ATP13A1: variants seen among roughly 807,000 people sequenced by gnomAD.
The protein encoded by ATP13A1 is endoplasmic reticulum transmembrane helix translocase.
Under a neutral mutation model 134.8 loss-of-function variants are expected in ATP13A1, and 55 were observed. The observed-to-expected ratio is 0.41, with a 90% CI of 0.33 to 0.51. The LOEUF is 0.51. ATP13A1 is among the 20% of genes least tolerant of loss of function. ATP13A1 has a pLI of 0.29. For missense variants in ATP13A1, 1,389 were observed against 1,652.8 expected (o/e 0.84, Z 2.77); for synonymous variants, 775 against 725.1 (o/e 1.07, Z -1.10).
In ATP13A1 at chr19:19,653,837, C is replaced by T. The variant is rs753084546; in HGVS notation, c.2047G>A (p.Ala683Thr). ...TTGTACCCCAGCGCCAGGACGCGGG[C>T]TCCTTCCCGGGAGATCTCGGTGTGG... ...HIHTEISREG[A>T]RVLALGYKEL... The change falls in exon 15 of 26, where the codon GCC becomes ACC. Residue 683 changes from alanine to threonine, a missense_variant. Ala to Thr is a moderately conservative substitution (Grantham distance 58). This residue lies in a region of ATP13A1 where 747 missense variants were observed against 956.1 expected (regional missense o/e 0.78). Coordinates refer to ENST00000357324, the MANE Select transcript of ATP13A1 (RefSeq NM_020410.3). The surrounding 1 kb of genome is among the most constrained non-coding windows in gnomAD (Gnocchi z 4.2). 4 of 1,562,618 alleles carry T rather than the reference C, an allele frequency of 2.6e-6. No homozygotes were observed. The highest frequency in any genetic ancestry group is 3.5e-6 in the Non-Finnish European group (4 of 1,153,976).
chr19:19,663,279 A>C lies in ATP13A1; in HGVS notation c.388T>G (p.Cys130Gly). The change falls in exon 1 of 26, where the codon TGC becomes GGC. Residue 130 changes from cysteine (C) to glycine (G), a missense_variant. Around this residue, in one of 4 missense-constraint regions of ATP13A1, gnomAD observed 293 missense variants for 270.8 expected, o/e 1.08. Coordinates refer to ENST00000357324, the MANE Select transcript of ATP13A1 (RefSeq NM_020410.3). Reference protein sequence around the residue: ...WSVHAHCALTCTPEYDPSKAT... With the variant: ...WSVHAHCALTGTPEYDPSKAT... ...CGCGTGTACACACTTACCGGGGTGC[A>C]GGTGAGCGCGCAATGCGCGTGCACA... 1 of 1,581,776 alleles carries C rather than the reference A, an allele frequency of 6.3e-7. No individual in the cohort carries two copies. Among genetic ancestry groups the C allele is most frequent in the Non-Finnish European group, 8.6e-7 (1 of 1,165,444 alleles).
In ATP13A1 at chr19:19,647,582, C is replaced by A; in HGVS notation, c.2793+17G>T. 6.2e-7 allele frequency: 1 copy of A among 1,613,186 alleles called. No individual in the cohort carries two copies. The highest frequency in any genetic ancestry group is 8.5e-7 in the Non-Finnish European group (1 of 1,179,580). ...CTGGCCAGGATGGGGTGCAGCACCT[C>A]CCCTCTTGGGACTCACCCTCTGGGA... On this transcript the variant is annotated intron_variant, in intron 20 of 25. Coordinates refer to ENST00000357324, the MANE Select transcript of ATP13A1 (RefSeq NM_020410.3). This position sits in a 1 kb window ranked among gnomAD's most constrained non-coding sequence, Gnocchi z 4.8.
chr19:19,649,027 C>G (rs957050746), intron 19 of ATP13A1, among the ~76,000 whole-genome samples: 3 of 149,798 alleles, frequency 2.0e-5, no homozygotes, highest in Non-Finnish European at 4.4e-5. Flanking sequence ...GAGGCTGAGG[C>G]AGGAGAATCG....
chr19:19,645,622 G>A lies in ATP13A1; in HGVS notation c.3504+25C>T, dbSNP rs550479637. On this transcript the variant is annotated intron_variant, in intron 25 of 25. Transcript: ENST00000357324. This position sits in a 1 kb window ranked among gnomAD's most constrained non-coding sequence, Gnocchi z 4.1. ...GAGGGACCCATCAAGCTGAGCCCCAGGGTCACCTCCACAGGGCCACTGACC... is the reference window on the plus strand; with the variant it reads ...GAGGGACCCATCAAGCTGAGCCCCAAGGTCACCTCCACAGGGCCACTGACC... The A allele has an allele frequency of 1.3e-6, 2 of 1,562,838 alleles. No homozygotes were observed. The highest frequency in any genetic ancestry group is 2.4e-5 in the East Asian group (1 of 41,744).
Position 19,653,916 on chromosome 19 carries a change from G to A in ATP13A1, c.1990-22C>T. The A allele has an allele frequency of 6.4e-7, 1 of 1,567,694 alleles. No individual in the cohort carries two copies. Among genetic ancestry groups the A allele is most frequent in the East Asian group, 2.4e-5 (1 of 42,178 alleles). ...AGAACTGCAGGGAATGCAGGGGGATGTCACGGGCTGCCCCGCGCCCCCACC... is the reference window on the plus strand; with the variant it reads ...AGAACTGCAGGGAATGCAGGGGGATATCACGGGCTGCCCCGCGCCCCCACC... On this transcript the variant is annotated intron_variant, in intron 14 of 25. Coordinates refer to ENST00000357324, the MANE Select transcript of ATP13A1 (RefSeq NM_020410.3). This position sits in a 1 kb window ranked among gnomAD's most constrained non-coding sequence, Gnocchi z 4.2.
At chr19:19,662,451 GC>G in intron 1 of ATP13A1, 1 of 834,806 alleles carries the variant, frequency 1.2e-6, no homozygotes. Flanking sequence ...CAGAGGGGAA[GC>G]TTCCTGATAT....
chr19:19,647,178 AG>A lies in ATP13A1; in HGVS notation c.3055del (p.Leu1019TyrfsTer49). The A allele has an allele frequency of 1.2e-6, 2 of 1,613,816 alleles. No homozygotes were observed. Among genetic ancestry groups the A allele is most frequent in the Non-Finnish European group, 1.7e-6 (2 of 1,179,816 alleles). ...GCAGCCGGCCAGCAGCAGCCCCTGT[AG>A]GGTGGCCTGGAAGTCACTGAACTTG... The part of the protein sequence containing the change: ...GVKFSDFQAT[L>X]QGLLLAGCFL... On this transcript the variant is annotated frameshift_variant, in exon 22 of 26. Transcript: ENST00000357324. LOFTEE classifies it high-confidence loss of function. The surrounding 1 kb of genome is among the most constrained non-coding windows in gnomAD (Gnocchi z 4.8).
chr19:19,661,112 AAAAAACAAAAC>A (rs1301952661), intron 1 of ATP13A1, among the ~76,000 whole-genome samples: 6 of 151,664 alleles, frequency 4.0e-5, no homozygotes, highest in African/African-American at 1.5e-4. Context: ...AAAAAACCCC[AAAAAACAAAAC>A]AAAAACAAAA....
chr19:19,655,719 C>A lies in ATP13A1; in HGVS notation c.1270-65G>T. On this transcript the variant is annotated intron_variant, in intron 9 of 25. Coordinates refer to ENST00000357324, the MANE Select transcript of ATP13A1 (RefSeq NM_020410.3). The surrounding 1 kb of genome is among the most constrained non-coding windows in gnomAD (Gnocchi z 5.7). ...CCCTCCAGCAGCTCAGGCCTGGAAGCGTGGGCCTGGTCTTGGGGTGGCCTC... is the reference window on the plus strand; with the variant it reads ...CCCTCCAGCAGCTCAGGCCTGGAAGAGTGGGCCTGGTCTTGGGGTGGCCTC... 3.2e-6 allele frequency: 5 copies of A among 1,569,026 alleles called. No homozygotes were observed. Among genetic ancestry groups the A allele is most frequent in the Admixed American group, 1.9e-5 (1 of 53,750 alleles).
intron 17 of ATP13A1, 115 bp downstream of exon 17, chr19:19,651,574 G>T: frequency 1.4e-6 from 1 of 727,060 alleles, no homozygotes; most frequent in African/African-American, 1.8e-5. Context: ...AGTGGTGCCA[G>T]GCATTTGAAG....
Position 19,656,587 on chromosome 19 carries a change from C to A in ATP13A1, c.1083+73G>T, listed in dbSNP as rs555153218. On this transcript the variant is annotated intron_variant, in intron 7 of 25. Coordinates refer to ENST00000357324, the MANE Select transcript of ATP13A1 (RefSeq NM_020410.3). This position sits in a 1 kb window ranked among gnomAD's most constrained non-coding sequence, Gnocchi z 4.6. The stretch of plus-strand genomic sequence containing the variant: ...GCCTGTGCCTGAGGGGGATCCCCGC[C>A]ACCCCCTGGGCCTCCACCTCCTGGC... 6.8e-7 allele frequency: 1 copy of A among 1,478,522 alleles called. No homozygotes were observed. The highest frequency in any genetic ancestry group is 1.4e-5 in the African/African-American group (1 of 71,836). The allele number at this position is 1,478,522 out of a possible 1,614,324, so 91.6% of individuals were successfully genotyped here. A position where few individuals can be genotyped will look rare whatever the true frequency, so the allele number is the denominator to read the frequency against.
intron 1 of ATP13A1, chr19:19,660,405 T>G: frequency 1.1e-5 from 2 of 180,942 alleles, no homozygotes; most frequent in Non-Finnish European, 2.3e-5. Flanking sequence ...TCCCTTGAAC[T>G]GGGAGGCGGA....
intron 13 of ATP13A1, 67 bp downstream of exon 13, chr19:19,654,476 C>T (rs1456809315): frequency 4.0e-6 from 6 of 1,514,806 alleles, no homozygotes; most frequent in Non-Finnish European, 5.3e-6. Context: ...AGGGGTGCAG[C>T]CCACCTGCCT....
Position 19,656,713 on chromosome 19 carries a change from G to C in ATP13A1, c.1030C>G (p.Arg344Gly), listed in dbSNP as rs371113170. The C allele has an allele frequency of 2.5e-6, 4 of 1,613,666 alleles. No homozygotes were observed. Among genetic ancestry groups the C allele is most frequent in the Non-Finnish European group, 3.4e-6 (4 of 1,179,876 alleles). The change falls in exon 7 of 26, where the codon CGC becomes GGC. Residue 344 changes from arginine (R) to glycine (G), a missense_variant. Physicochemically the swap from Arg to Gly is moderately radical, Grantham distance 125. Coordinates refer to ENST00000357324, the MANE Select transcript of ATP13A1 (RefSeq NM_020410.3). The surrounding 1 kb of genome is among the most constrained non-coding windows in gnomAD (Gnocchi z 4.6). Reference protein sequence around the residue: ...VPCDVLLLRGRCIVDEAMLTG... With the variant: ...VPCDVLLLRGGCIVDEAMLTG... ...AGCATGGCCTCGTCTACGATGCAGC[G>C]GCCTCGCAGCAGAAGCACGTCACAT... is the stretch of plus-strand genomic sequence containing the variant.
chr19:19,657,536 G>T (rs1049266656), intron 3 of ATP13A1, 128 bp from the exon 4 acceptor site: 2 of 928,228 alleles, frequency 2.2e-6, no homozygotes, highest in East Asian at 5.6e-5. Context: ...TGTGGGCGTC[G>T]GGAGCCCTGG....
chr19:19,647,628 G>C lies in ATP13A1; in HGVS notation c.2764C>G (p.Pro922Ala). 6.2e-7 allele frequency: 1 copy of C among 1,613,444 alleles called. No homozygotes were observed. The highest frequency in any genetic ancestry group is 8.5e-7 in the Non-Finnish European group (1 of 1,179,846). ...RTAKQRSGLP[P>A]SEEQPTSQRD... ...TGGGAGGTTGGCTGCTCCTCGGAGGGAGGGAGCCCCGACCGCTGCTTGGCT... is the reference window on the plus strand; with the variant it reads ...TGGGAGGTTGGCTGCTCCTCGGAGGCAGGGAGCCCCGACCGCTGCTTGGCT... Residue 922 changes from proline to alanine, a missense_variant, in exon 20 of 26, where the codon CCC (proline) becomes GCC (alanine). Coordinates refer to ENST00000357324, the MANE Select transcript of ATP13A1 (RefSeq NM_020410.3). This position sits in a 1 kb window ranked among gnomAD's most constrained non-coding sequence, Gnocchi z 4.8.
rs141620656 is a variant in ATP13A1 at position 19,645,949 on chromosome 19, C to T, written c.3285G>A (p.Glu1095=). The T allele has an allele frequency of 1.8e-4, 283 of 1,613,400 alleles. 4 individuals carry two copies. In the East Asian group the frequency reaches 5.5e-3, roughly 32 times the overall value. The change falls in exon 24 of 26, where the codon GAG becomes GAA. Residue 1095 remains glutamate, a synonymous_variant. Transcript: ENST00000357324. The surrounding 1 kb of genome is among the most constrained non-coding windows in gnomAD (Gnocchi z 4.1). ...EQFVDLYKEF[E]PSLVNSTVYI... The stretch of plus-strand genomic sequence containing the variant: ...AGACGGTGCTGTTGACCAGGCTTGG[C>T]TCAAACTCCTTGTACAAGTCCACGA...
chr19:19,656,703 A>G lies in ATP13A1; in HGVS notation c.1040T>C (p.Val347Ala), dbSNP rs1313180188. Residue 347 changes from valine to alanine, a missense_variant, in exon 7 of 26, where the codon GTA (valine) becomes GCA (alanine). Coordinates refer to ENST00000357324, the MANE Select transcript of ATP13A1 (RefSeq NM_020410.3). The surrounding 1 kb of genome is among the most constrained non-coding windows in gnomAD (Gnocchi z 4.6). Reference protein sequence around the residue: ...DVLLLRGRCIVDEAMLTGESV... With the variant: ...DVLLLRGRCIADEAMLTGESV... Reference sequence around the variant, plus strand: ...CTCCCCCGTGAGCATGGCCTCGTCTACGATGCAGCGGCCTCGCAGCAGAAG... The same window carrying G: ...CTCCCCCGTGAGCATGGCCTCGTCTGCGATGCAGCGGCCTCGCAGCAGAAG... The G allele has an allele frequency of 6.2e-7, 1 of 1,613,658 alleles. No individual in the cohort carries two copies. Among genetic ancestry groups the G allele is most frequent in the African/African-American group, 1.3e-5 (1 of 74,914 alleles).
Position 19,655,699 on chromosome 19 carries a change from C to T in ATP13A1, c.1270-45G>A, listed in dbSNP as rs1010548554. On this transcript the variant is annotated intron_variant, in intron 9 of 25. Transcript: ENST00000357324. This position sits in a 1 kb window ranked among gnomAD's most constrained non-coding sequence, Gnocchi z 5.7. ...GCCTTTCTGCTGTCTGGACTCCCTC[C>T]AGCAGCTCAGGCCTGGAAGCGTGGG... 5.0e-6 allele frequency: 8 copies of T among 1,592,430 alleles called. No individual in the cohort carries two copies. Among genetic ancestry groups the T allele is most frequent in the Non-Finnish European group, 6.8e-6 (8 of 1,169,778 alleles).
Sources: allele counts gnomAD v4.1 joint callset (sites outside exome capture counted in the v4.1 genomes callset), GRCh38; gene constraint gnomAD v4.1.1; regional missense constraint gnomAD v4.1.1; non-coding constraint Gnocchi (gnomAD v3.1); transcripts MANE v1.5; gene names NCBI Gene and HGNC (gene_info 2026-07-23, HGNC 2026-07-21).